The following ICA1 variants were observed in gnomAD, a reference collection of about 807,000 sequenced individuals.
ICA1 encodes the protein islet cell autoantigen 1.
ICA1 carries 40 observed loss-of-function variants against 71.0 expected under a neutral mutation model. That is an observed-to-expected ratio of 0.56 (90% CI 0.44 to 0.73). ICA1 has a LOEUF of 0.73. ICA1 is among the 30% of genes least tolerant of loss of function. The pLI is 0.00. For synonymous variants in ICA1, 207 were observed against 209.5 expected, an observed-to-expected ratio of 0.99 and a Z score of 0.10; for missense variants, 578 against 576.5, an observed-to-expected ratio of 1.00 and a Z score of -0.03.
At chr7:8,125,972 C>T (rs146081608) in intron 13 of ICA1, among the ~76,000 whole-genome samples, 64 of 152,312 alleles carry the variant, frequency 4.2e-4, no homozygotes, top group Non-Finnish European at 7.1e-4. Flanking sequence ...TCCCCATGGC[C>T]GCTGCCCTTG....
chr7:8,256,594 C>T (rs971870310), intron 1 of ICA1, among the ~76,000 whole-genome samples: 1 of 152,198 alleles, frequency 6.6e-6, no homozygotes, highest in African/African-American at 2.4e-5. Flanking sequence ...CATCTCGTCT[C>T]TATCCCTCTC....
At chr7:8,129,376 T>TTTAA (rs1440421270) in intron 12 of ICA1, among the ~76,000 whole-genome samples, 1 of 142,072 alleles carries the variant, frequency 7.0e-6, no homozygotes. Flanking sequence ...GCTTTTTTTT[T>TTTAA]AAAAAAAAAA....
intron 6 of ICA1, among the ~76,000 whole-genome samples, chr7:8,196,968 C>T (rs1393895452): frequency 4.6e-5 from 7 of 152,090 alleles, no homozygotes; most frequent in Admixed American, 6.5e-5. Flanking sequence ...CCTTCCGCCA[C>T]GATTGTGAGG....
intron 1 of ICA1, among the ~76,000 whole-genome samples, chr7:8,241,450 C>G (rs958309710): frequency 6.6e-6 from 1 of 152,174 alleles, no homozygotes; most frequent in Non-Finnish European, 1.5e-5. Flanking sequence ...TGGTACCAGC[C>G]ACTGCAAAAA....
At chr7:8,169,018 T>G (rs1807232952) in intron 6 of ICA1, among the ~76,000 whole-genome samples, 1 of 152,102 alleles carries the variant, frequency 6.6e-6, no homozygotes, top group Non-Finnish European at 1.5e-5. Context: ...ATTCCTTCCC[T>G]CAAGTCCCAG....
intron 6 of ICA1, among the ~76,000 whole-genome samples, chr7:8,163,949 T>A (rs1342364415): frequency 3.9e-5 from 6 of 152,102 alleles, no homozygotes; most frequent in Non-Finnish European, 8.8e-5. Flanking sequence ...AGGATCCTAT[T>A]TTCAGTTTGA....
chr7:8,232,850 T>C (rs1290814334), intron 2 of ICA1, 95 bp from the exon 3 acceptor site: 11 of 1,087,208 alleles, frequency 1.0e-5, no homozygotes, highest in Non-Finnish European at 1.3e-5. Context: ...CTTTCCATTA[T>C]GCATTTACAT....
chr7:8,120,994 C>T (rs533998571), intron 13 of ICA1, among the ~76,000 whole-genome samples: 50 of 152,318 alleles, frequency 3.3e-4, no homozygotes, highest in African/African-American at 1.1e-3. Context: ...TCCTGACACC[C>T]ACAGTTCCCC....
chr7:8,147,687 A>AACACACACACACACACAC (rs71014764), intron 8 of ICA1, among the ~76,000 whole-genome samples: 3 of 145,412 alleles, frequency 2.1e-5, no homozygotes, highest in African/African-American at 7.7e-5. Flanking sequence ...AGCCAAGGGG[A>AACACACACACACACACAC]ACACACACAC....
At chr7:8,157,568 T>C (rs1802079560) in intron 7 of ICA1, 1 of 242,522 alleles carries the variant, frequency 4.1e-6, no homozygotes, top group African/African-American at 2.3e-5. Flanking sequence ...AAGCTGTCAC[T>C]GGCTTTCTTA....
chr7:8,143,436 C>T (rs1795877751), intron 9 of ICA1, among the ~76,000 whole-genome samples: 2 of 152,160 alleles, frequency 1.3e-5, no homozygotes, highest in Non-Finnish European at 2.9e-5. Flanking sequence ...CCTTAGTATG[C>T]ATGTATCCCA....
chr7:8,218,804 G>C, intron 5 of ICA1: 1 of 430,008 alleles, frequency 2.3e-6, no homozygotes, highest in Non-Finnish European at 4.4e-6. Context: ...TTTGAAGCTG[G>C]GGCCAATCCC....
At chr7:8,245,624 A>T (rs1163976220) in intron 1 of ICA1, among the ~76,000 whole-genome samples, 1 of 152,188 alleles carries the variant, frequency 6.6e-6, no homozygotes, top group African/African-American at 2.4e-5. Context: ...AAAAAAATTT[A>T]AAAACAGTGA....
At chr7:8,213,591 A>C (rs1794515114) in intron 6 of ICA1, among the ~76,000 whole-genome samples, 1 of 152,220 alleles carries the variant, frequency 6.6e-6, no homozygotes, top group African/African-American at 2.4e-5. Context: ...ACCTGCCCTC[A>C]ATTGCTAAAA....
intron 8 of ICA1, among the ~76,000 whole-genome samples, chr7:8,154,290 A>G (rs1365276842): frequency 6.6e-6 from 1 of 152,222 alleles, no homozygotes; most frequent in East Asian, 1.9e-4. Flanking sequence ...GGTTCAGTAG[A>G]AGTAAAACTT....
chr7:8,127,416 T>C (rs902099901), intron 13 of ICA1, among the ~76,000 whole-genome samples: 5 of 150,972 alleles, frequency 3.3e-5, no homozygotes, highest in Non-Finnish European at 7.4e-5. Context: ...AGGGGAGAGG[T>C]GGATCAGGAT....
At chr7:8,214,869 A>G (rs887630687) in intron 6 of ICA1, among the ~76,000 whole-genome samples, 2 of 152,200 alleles carry the variant, frequency 1.3e-5, no homozygotes, top group Admixed American at 1.3e-4. Flanking sequence ...AATACACTTG[A>G]ACTTGCGATT....
intron 1 of ICA1, among the ~76,000 whole-genome samples, chr7:8,240,287 G>C (rs1452549905): frequency 6.6e-6 from 1 of 151,932 alleles, no homozygotes; most frequent in Non-Finnish European, 1.5e-5. Flanking sequence ...GTCTGGAGTG[G>C]ACCTCCAGCA....
At chr7:8,182,403 G>A (rs1171939113) in intron 6 of ICA1, among the ~76,000 whole-genome samples, 5 of 152,182 alleles carry the variant, frequency 3.3e-5, no homozygotes, top group East Asian at 3.8e-4. Context: ...TCTGCATAGT[G>A]CCTAACACAT....
Sources: gnomAD v4.1 joint callset for allele counts (sites outside exome capture counted in the v4.1 genomes callset) on GRCh38, gnomAD v4.1.1 for gene constraint, MANE v1.5 for transcripts, NCBI Gene and HGNC (gene_info 2026-07-23, HGNC 2026-07-21) for gene names.